NBEAL1: variants seen among roughly 807,000 people sequenced by gnomAD.
NBEAL1 encodes the protein neurobeachin like 1, also known as neurobeachin-like protein 1.
NBEAL1 carries 273 observed loss-of-function variants against 351.3 expected under a neutral mutation model. The observed-to-expected ratio is 0.78, with a 90% CI of 0.70 to 0.86. NBEAL1 has a LOEUF of 0.86. Ranked by LOEUF, NBEAL1 falls within the 40% of genes least tolerant of loss-of-function variation. The probability of loss-of-function intolerance (pLI) is 0.00; values close to 1 mark genes in which losing one functional copy is unlikely to be tolerated. For missense variants in NBEAL1, 2,961 were observed against 3,201.3 expected (o/e 0.92, Z 1.81); for synonymous variants, 1,050 against 1,086.4 (o/e 0.97, Z 0.66).
At chr2:203,029,049 G>A (rs910019598) in intron 2 of NBEAL1, among the ~76,000 whole-genome samples, 1 of 152,104 alleles carries the variant, frequency 6.6e-6, no homozygotes, top group African/African-American at 2.4e-5. Flanking sequence ...GCAATGGTGT[G>A]ATCTCAGCTC....
At chr2:203,125,230 A>T in intron 19 of NBEAL1, 122 bp from the exon 20 acceptor site, 1 of 648,280 alleles carries the variant, frequency 1.5e-6, no homozygotes, top group Admixed American at 4.3e-5. Flanking sequence ...CCTTCAGCTT[A>T]GGTTATCCTG....
chr2:203,140,211 G>C (rs1164116085), intron 31 of NBEAL1, among the ~76,000 whole-genome samples: 1 of 151,844 alleles, frequency 6.6e-6, no homozygotes, highest in Non-Finnish European at 1.5e-5. Flanking sequence ...GCTGAGGTAG[G>C]AGAATCACTT....
chr2:203,081,927 C>T (rs2061881065), intron 8 of NBEAL1, among the ~76,000 whole-genome samples: 1 of 152,106 alleles, frequency 6.6e-6, no homozygotes, highest in Non-Finnish European at 1.5e-5. Context: ...ACAGGGAGAC[C>T]CTGTCTCTAC....
intron 18 of NBEAL1, 116 bp downstream of exon 18, chr2:203,116,186 A>G: frequency 5.6e-6 from 4 of 711,022 alleles, no homozygotes; most frequent in Middle Eastern, 2.5e-4. Context: ...TTGAATTGCC[A>G]TCAAAATAAT....
intron 24 of NBEAL1, among the ~76,000 whole-genome samples, chr2:203,128,662 A>G (rs900478426): frequency 6.7e-5 from 10 of 150,156 alleles, no homozygotes; most frequent in Admixed American, 2.7e-4. Flanking sequence ...CAGTGGCACA[A>G]TCTCGGCTCA....
chr2:203,143,867 T>G lies in NBEAL1; in HGVS notation c.4849-733T>G, dbSNP rs116038775. On this transcript the variant is annotated intron_variant, in intron 31 of 55. Coordinates refer to ENST00000683969, the MANE Select transcript of NBEAL1 (RefSeq NM_001378026.1). ...TTACTATCCAATATAATAAAGATAA[T>G]GTCTCCCTCCATAGCAAAATCAGAC... 1.3e-3 allele frequency among the ~76,000 whole-genome samples: 196 copies of G among 152,214 alleles called. 3 individuals are homozygous for G. The highest frequency in any genetic ancestry group is 4.4e-3 in the African/African-American group (184 of 41,538).
chr2:203,110,584 G>T (rs995414864), intron 15 of NBEAL1, among the ~76,000 whole-genome samples: 7 of 151,270 alleles, frequency 4.6e-5, no homozygotes, highest in African/African-American at 1.7e-4. Flanking sequence ...TGAGTTGGGA[G>T]AATTGCTTGA....
Position 203,217,343 on chromosome 2 carries a change from G to C in NBEAL1, c.8161G>C (p.Asp2721His), listed in dbSNP as rs199574969. ...TGGAGAAACTGAATATAATACTCAA[G>C]ATTCCAAGTGATTGTTATTTCCATT... Reference protein sequence around the residue: ...SAGETEYNTQDSK With the variant: ...SAGETEYNTQHSK Residue 2721 changes from aspartate to histidine, a missense_variant, in exon 56 of 56, where the codon GAT becomes CAT. By Grantham distance (81) the Asp-to-His change is moderately conservative. Coordinates refer to ENST00000683969, the MANE Select transcript of NBEAL1 (RefSeq NM_001378026.1). The C allele has an allele frequency of 6.4e-6, 10 of 1,571,306 alleles. No homozygotes were observed. In the African/African-American group the frequency reaches 1.4e-4, roughly 22 times the overall value.
At chr2:203,019,495 C>T (rs1278735236) in intron 2 of NBEAL1, among the ~76,000 whole-genome samples, 1 of 151,898 alleles carries the variant, frequency 6.6e-6, no homozygotes, top group Non-Finnish European at 1.5e-5. Context: ...GTTTTGTTGC[C>T]CTGCTTGGTT....
At chr2:203,026,789 A>G (rs570291350) in intron 2 of NBEAL1, among the ~76,000 whole-genome samples, 1 of 152,346 alleles carries the variant, frequency 6.6e-6, no homozygotes, top group East Asian at 1.9e-4. Context: ...CTGGGATTAC[A>G]GGCGTGAGCC....
chr2:203,125,980 C>T lies in NBEAL1; in HGVS notation c.2872C>T (p.Leu958=). ...TACAGAGTCAAGACTAGAGAGAAAC[C>T]TAGTTGCAACATTTATCTTAATTGT... ...KASESRLERN[L]VATFILIVKH... is the part of the protein sequence containing the mutation. The change falls in exon 21 of 56, where the codon CTA becomes TTA. Residue 958 remains leucine, a synonymous_variant. Transcript: ENST00000683969. 6.5e-7 allele frequency: 1 copy of T among 1,535,616 alleles called. No homozygotes were observed. Among genetic ancestry groups the T allele is most frequent in the Non-Finnish European group, 8.8e-7 (1 of 1,140,898 alleles).
rs189737346 is a variant in NBEAL1, at chr2:203,128,105, G to T, written c.3405+168G>T. Among the ~76,000 whole-genome samples, 368 of 149,404 alleles carry T rather than the reference G, an allele frequency of 2.5e-3. 1 individual carries two copies. The highest frequency in any genetic ancestry group is 3.9e-3 in the Non-Finnish European group (266 of 67,474). ...TAAATTTTATCTTTTTTTTTTTTGA[G>T]ATGGAGTCTCGCTCTGTCACCCAGG... is the stretch of plus-strand genomic sequence containing the variant. On this transcript the variant is annotated intron_variant, in intron 24 of 55. Transcript: ENST00000683969.
intron 51 of NBEAL1, among the ~76,000 whole-genome samples, chr2:203,203,366 G>A (rs2065456678): frequency 6.6e-6 from 1 of 151,744 alleles, no homozygotes; most frequent in Non-Finnish European, 1.5e-5. Flanking sequence ...GCAGAAATGG[G>A]GTTTCGCCAT....
At chr2:203,162,701 A>C (rs1218600477) in intron 36 of NBEAL1, among the ~76,000 whole-genome samples, 1 of 152,198 alleles carries the variant, frequency 6.6e-6, no homozygotes, top group Admixed American at 6.5e-5. Flanking sequence ...GCAAGATTGC[A>C]GTGATTTTAT....
chr2:203,068,339 G>A, intron 6 of NBEAL1, 54 bp from the exon 7 acceptor site: 2 of 776,954 alleles, frequency 2.6e-6, no homozygotes, highest in East Asian at 2.9e-5. Context: ...TTGTAATTGT[G>A]CCGTGTCTGC....
intron 42 of NBEAL1, among the ~76,000 whole-genome samples, chr2:203,176,664 G>A (rs191021012): frequency 1.5e-4 from 23 of 151,488 alleles, no homozygotes; most frequent in Middle Eastern, 3.4e-3. Flanking sequence ...CATGGGAGGC[G>A]GAGGTTGCAG....
intron 36 of NBEAL1, among the ~76,000 whole-genome samples, chr2:203,158,925 TC>T (rs2063871999): frequency 6.7e-6 from 1 of 148,344 alleles, no homozygotes; most frequent in Non-Finnish European, 1.5e-5. Context: ...TCTCAAGTGA[TC>T]CTCCTGCCGC....
intron 8 of NBEAL1, among the ~76,000 whole-genome samples, chr2:203,081,912 G>A (rs567365154): frequency 1.3e-5 from 2 of 152,300 alleles, no homozygotes; most frequent in South Asian, 4.1e-4. Flanking sequence ...ACGAGCCTGG[G>A]CAACACAGGG....
intron 10 of NBEAL1, among the ~76,000 whole-genome samples, chr2:203,088,849 A>T (rs1238651582): frequency 6.6e-6 from 1 of 152,186 alleles, no homozygotes. Flanking sequence ...GGAACAAGGG[A>T]TGGAGAGTTC....
Sources: allele counts gnomAD v4.1 joint callset (sites outside exome capture counted in the v4.1 genomes callset), GRCh38; gene constraint gnomAD v4.1.1; transcripts MANE v1.5; gene names NCBI Gene and HGNC (gene_info 2026-07-23, HGNC 2026-07-21).